Variants in RAD51B observed in about 807,000 individuals in gnomAD.
RAD51B encodes the protein DNA repair protein RAD51 homolog 2.
Under a neutral mutation model 42.2 loss-of-function variants are expected in RAD51B, and 38 were observed. That is an observed-to-expected ratio of 0.90 (90% CI 0.70 to 1.18). The LOEUF is 1.18. Among genes scored for constraint, RAD51B ranks in the 50% most tolerant of loss-of-function variants. The pLI, the probability that RAD51B is intolerant of heterozygous loss-of-function variation, is 0.00. For missense variants in RAD51B, 373 were observed against 400.7 expected, an observed-to-expected ratio of 0.93 and a Z score of 0.59; for synonymous variants, 154 against 145.2, an observed-to-expected ratio of 1.06 and a Z score of -0.43.
chr14:67,940,103 T>C (rs2045144991), intron 7 of RAD51B, among the ~76,000 whole-genome samples: 1 of 116,356 alleles, frequency 8.6e-6, no homozygotes, highest in Non-Finnish European at 1.7e-5. Context: ...AGATGGAATC[T>C]CACTCTGTTG....
rs555866453 is a variant in RAD51B at position 67,835,751 on chromosome 14, C to G, written c.315+555C>G. 3.9e-5 allele frequency among the ~76,000 whole-genome samples: 6 copies of G among 152,054 alleles called. No individual in the cohort carries two copies. The South Asian group carries it at 1.2e-3, about 32-fold the overall frequency. ...TATGTGGTGGTGCATGCTTATGGTC[C>G]TAGCTACTCAGGAGGCTGACCTTGA... is the stretch of plus-strand genomic sequence containing the variant. On this transcript the variant is annotated intron_variant, in intron 4 of 10. Coordinates refer to ENST00000471583, the MANE Select transcript of RAD51B (RefSeq NM_133510.4).
chr14:67,860,337 T>C (rs1355453715), intron 4 of RAD51B, among the ~76,000 whole-genome samples: 1 of 152,206 alleles, frequency 6.6e-6, no homozygotes, highest in Non-Finnish European at 1.5e-5. Flanking sequence ...GCCATTAAAA[T>C]AAAGATGTAT....
intron 7 of RAD51B, among the ~76,000 whole-genome samples, chr14:68,092,198 A>C (rs1025427023): frequency 3.3e-5 from 5 of 152,162 alleles, no homozygotes; most frequent in Non-Finnish European, 7.3e-5. Flanking sequence ...TTTTGGTTCC[A>C]CATGAACTGT....
intron 7 of RAD51B, among the ~76,000 whole-genome samples, chr14:68,028,979 T>C (rs2075998394): frequency 6.6e-6 from 1 of 152,190 alleles, no homozygotes; most frequent in Non-Finnish European, 1.5e-5. Flanking sequence ...CCAGCTCAAA[T>C]ATCCATGGTG....
chr14:68,423,255 C>T (rs1436615065), intron 9 of RAD51B, among the ~76,000 whole-genome samples: 1 of 152,108 alleles, frequency 6.6e-6, no homozygotes. Context: ...CTCATCTTTA[C>T]AAACCTTAAA....
chr14:68,600,557 C>T (rs537018114), downstream of RAD51B, among the ~76,000 whole-genome samples: 33 of 152,284 alleles, frequency 2.2e-4, no homozygotes, highest in African/African-American at 7.0e-4. Flanking sequence ...TTAACGGTCC[C>T]TACATCAGCA....
At chr14:68,011,381 T>C (rs2075681681) in intron 7 of RAD51B, among the ~76,000 whole-genome samples, 2 of 152,088 alleles carry the variant, frequency 1.3e-5, no homozygotes, top group African/African-American at 2.4e-5. Context: ...TCTAAGAGCC[T>C]TCTGATTAAC....
intron 10 of RAD51B, among the ~76,000 whole-genome samples, chr14:68,548,602 G>C (rs1305638268): frequency 6.6e-6 from 1 of 152,198 alleles, no homozygotes; most frequent in African/African-American, 2.4e-5. Flanking sequence ...CTGACTTCTT[G>C]GGGTCTTGGG....
chr14:68,353,547 C>A (rs2082833400), intron 8 of RAD51B, among the ~76,000 whole-genome samples: 1 of 152,154 alleles, frequency 6.6e-6, no homozygotes, highest in African/African-American at 2.4e-5. Flanking sequence ...CCAGATCTAC[C>A]TTGGAAGACT....
intron 7 of RAD51B, among the ~76,000 whole-genome samples, chr14:68,271,509 A>T (rs909379862): frequency 6.6e-6 from 1 of 150,460 alleles, no homozygotes; most frequent in African/African-American, 2.4e-5. Flanking sequence ...TGTGAAGATA[A>T]AAAAAAAAGA....
chr14:68,492,837 G>C (rs750839855), intron 10 of RAD51B, among the ~76,000 whole-genome samples: 8 of 152,160 alleles, frequency 5.3e-5, no homozygotes, highest in Non-Finnish European at 1.2e-4. Flanking sequence ...CTCAGTAAAT[G>C]CCTGCTTATT....
intron 7 of RAD51B, among the ~76,000 whole-genome samples, chr14:68,109,671 G>A (rs1198171153): frequency 6.6e-6 from 1 of 151,920 alleles, no homozygotes; most frequent in Non-Finnish European, 1.5e-5. Context: ...TATATAGATA[G>A]CAAGGAGCCA....
intron 10 of RAD51B, among the ~76,000 whole-genome samples, chr14:68,620,480 C>G (rs2140115022): frequency 6.6e-6 from 1 of 152,328 alleles, no homozygotes; most frequent in East Asian, 1.9e-4. Context: ...TAGCTGCTCA[C>G]ATTATTGGTT....
chr14:68,005,774 T>C (rs188683184), intron 7 of RAD51B, among the ~76,000 whole-genome samples: 16 of 152,326 alleles, frequency 1.1e-4, no homozygotes, highest in Admixed American at 1.0e-3. Flanking sequence ...AAGAAATACC[T>C]AATACTGGGT....
In RAD51B at chr14:68,446,286, T is replaced by C. The variant is rs183730649; in HGVS notation, c.958-21886T>C. Among the ~76,000 whole-genome samples, 318 of 152,300 alleles carry C rather than the reference T, an allele frequency of 2.1e-3. 1 individual carries two copies. Among genetic ancestry groups the C allele is most frequent in the Non-Finnish European group, 4.0e-3 (272 of 68,018 alleles). On this transcript the variant is annotated intron_variant, in intron 9 of 10. Coordinates refer to ENST00000471583, the MANE Select transcript of RAD51B (RefSeq NM_133510.4). ...TGAAGTTAAAACAACTAGTAAATGG[T>C]AGAAAAGAGACTCTGAAGTGACTTG... is the stretch of plus-strand genomic sequence containing the variant.
At chr14:68,191,130 G>A (rs1407324612) in intron 7 of RAD51B, among the ~76,000 whole-genome samples, 1 of 152,124 alleles carries the variant, frequency 6.6e-6, no homozygotes, top group Non-Finnish European at 1.5e-5. Context: ...CATTTTTAGA[G>A]AAATCGAGTG....
chr14:67,891,417 G>C (rs997794945), intron 7 of RAD51B, among the ~76,000 whole-genome samples: 11 of 151,898 alleles, frequency 7.2e-5, no homozygotes, highest in Non-Finnish European at 1.6e-4. Context: ...CAAGGTTTTT[G>C]GAATATTAGT....
intron 8 of RAD51B, among the ~76,000 whole-genome samples, chr14:68,312,919 T>G (rs1179557984): frequency 6.6e-6 from 1 of 152,204 alleles, no homozygotes; most frequent in Non-Finnish European, 1.5e-5. Flanking sequence ...GCAAAATACC[T>G]TCGTTTTACT....
intron 1 of RAD51B, chr14:67,822,197 G>C (rs1450299675): frequency 6.6e-6 from 1 of 151,904 alleles, no homozygotes; most frequent in Non-Finnish European, 1.5e-5. Context: ...GTTTCAGTTC[G>C]TTCCAGAGGA....
Sources: gnomAD v4.1 joint callset for allele counts (sites outside exome capture counted in the v4.1 genomes callset) on GRCh38, gnomAD v4.1.1 for gene constraint, MANE v1.5 for transcripts, NCBI Gene and HGNC (gene_info 2026-07-23, HGNC 2026-07-21) for gene names.